The following COPS3 variants were observed in gnomAD, a reference collection of about 807,000 sequenced individuals.
COPS3 encodes the protein COP9 signalosome complex subunit 3.
In COPS3, 10 loss-of-function variants were observed where a neutral mutation model predicts 58.2. That is an observed-to-expected ratio of 0.17 (90% confidence interval 0.11 to 0.29). The LOEUF (loss-of-function observed/expected upper bound fraction) is 0.29. COPS3 is among the 10% of genes least tolerant of loss of function. The pLI is 1.00. For missense variants in COPS3, 333 were observed against 510.1 expected, an observed-to-expected ratio of 0.65 and a Z score of 3.34; for synonymous variants, 187 against 181.7, an observed-to-expected ratio of 1.03 and a Z score of -0.24.
chr17:17,278,009 C>T (rs1483857895), intron 1 of COPS3, among the ~76,000 whole-genome samples: 1 of 152,150 alleles, frequency 6.6e-6, no homozygotes, highest in Non-Finnish European at 1.5e-5. Context: ...TGGCACACAC[C>T]TGTAATCCCA....
chr17:17,251,426 C>T (rs1364744222), intron 9 of COPS3, among the ~76,000 whole-genome samples: 1 of 151,994 alleles, frequency 6.6e-6, no homozygotes, highest in African/African-American at 2.4e-5. Flanking sequence ...TCCCAAGTAG[C>T]TGGGATTACA....
At chr17:17,264,252 G>A (rs2048173937) in intron 6 of COPS3, among the ~76,000 whole-genome samples, 1 of 152,168 alleles carries the variant, frequency 6.6e-6, no homozygotes, top group African/African-American at 2.4e-5. Flanking sequence ...TAAGTAAAGT[G>A]GTTTATTAAT....
At chr17:17,247,357 G>T in intron 11 of COPS3, 123 bp downstream of exon 11, 1 of 1,000,566 alleles carries the variant, frequency 1.0e-6, no homozygotes, top group South Asian at 1.4e-5. Flanking sequence ...ATTTCTCCAT[G>T]ACCGTACTGG....
intron 2 of COPS3, 103 bp downstream of exon 2, chr17:17,275,932 A>T: frequency 8.9e-7 from 1 of 1,126,204 alleles, no homozygotes; most frequent in Non-Finnish European, 1.2e-6. Flanking sequence ...ACAGAGCGAA[A>T]CTCCATCTCA....
chr17:17,267,138 C>G (rs2048240697), intron 5 of COPS3, among the ~76,000 whole-genome samples: 1 of 151,146 alleles, frequency 6.6e-6, no homozygotes, highest in Non-Finnish European at 1.5e-5. Flanking sequence ...GAGATTGAGA[C>G]CATTCTGGCT....
rs978020438 is a variant in COPS3 at position 17,274,296 on chromosome 17, T to C, written c.185+1739A>G. On this transcript the variant is annotated intron_variant, in intron 2 of 11. Transcript: ENST00000268717. ...GACCTATTGTGAACCCCAGATGAAA[T>C]TGTTTCTGACATGTCTTGATAATTA... Among the ~76,000 whole-genome samples, 30 of 152,164 alleles carry C rather than the reference T, an allele frequency of 2.0e-4. 1 individual carries two copies. The highest frequency in any genetic ancestry group is 4.3e-4 in the African/African-American group (18 of 41,444).
At chr17:17,259,130 T>C (rs192297473) in intron 8 of COPS3, among the ~76,000 whole-genome samples, 8 of 152,306 alleles carry the variant, frequency 5.3e-5, no homozygotes, top group Admixed American at 3.9e-4. Context: ...TTTCCATTGC[T>C]GGGTAGCCTA....
At position 17,260,409 on chromosome 17, in the gene COPS3, T is replaced by C. The variant is rs1169119172; in HGVS notation, c.828A>G (p.Arg276=). ...TTTCACTGTGCTTATTCACCAGGTT[T>C]CGGAGTTCTGAGGGGTTGTTGGTTG... ...VYSTNNPSEL[R]NLVNKHSETF... is the part of the protein sequence containing the mutation. Residue 276 remains arginine, a synonymous_variant, in exon 8 of 12, where the codon CGA becomes CGG. Coordinates refer to ENST00000268717, the MANE Select transcript of COPS3 (RefSeq NM_003653.4). 1.2e-6 allele frequency: 2 copies of C among 1,614,086 alleles called. No homozygotes were observed. The highest frequency in any genetic ancestry group is 4.5e-5 in the East Asian group (2 of 44,900).
At chr17:17,267,562 C>A (rs574674551) in intron 5 of COPS3, among the ~76,000 whole-genome samples, 1 of 147,586 alleles carries the variant, frequency 6.8e-6, no homozygotes, top group Non-Finnish European at 1.5e-5. Context: ...TGCTTGAACC[C>A]GGGAGGCAGA....
intron 10 of COPS3, 61 bp from the exon 11 acceptor site, chr17:17,247,621 T>C: frequency 4.0e-6 from 6 of 1,499,752 alleles, no homozygotes; most frequent in South Asian, 3.4e-5. Flanking sequence ...GCATCCTTTC[T>C]AACTTACACT....
intron 9 of COPS3, among the ~76,000 whole-genome samples, chr17:17,250,254 C>CT (rs113179216): frequency 0.26 from 32,937 of 127,532 alleles, 4,885 homozygotes; most frequent in Middle Eastern, 0.33. Flanking sequence ...CTTACATCGC[C>CT]TTTTTTTTTT....
intron 9 of COPS3, among the ~76,000 whole-genome samples, chr17:17,251,693 A>G (rs1207182943): frequency 6.6e-6 from 1 of 152,174 alleles, no homozygotes; most frequent in African/African-American, 2.4e-5. Context: ...TGACTCTCAC[A>G]ATGCTGAGCC....
At position 17,254,959 on chromosome 17, in the gene COPS3, G is replaced by T. The variant is rs2047934352; in HGVS notation, c.937-14C>A. ...AGTTAAAAAGGTCTGAAAGTCAGAA[G>T]CAGAATTAGTCACAGGTAGGAACAA... is the stretch of plus-strand genomic sequence containing the variant. On this transcript the variant is annotated splice_polypyrimidine_tract_variant and intron_variant, in intron 8 of 11. Coordinates refer to ENST00000268717, the MANE Select transcript of COPS3 (RefSeq NM_003653.4). The T allele has an allele frequency of 1.3e-6, 2 of 1,584,330 alleles. No homozygotes were observed. Among genetic ancestry groups the T allele is most frequent in the African/African-American group, 1.3e-5 (1 of 74,174 alleles).
intron 4 of COPS3, among the ~76,000 whole-genome samples, chr17:17,268,957 G>A (rs188017020): frequency 7.9e-5 from 12 of 152,142 alleles, no homozygotes; most frequent in Middle Eastern, 3.4e-3. Flanking sequence ...TGGTTACTTA[G>A]TACTACAAAA....
chr17:17,255,031 G>T, intron 8 of COPS3, 86 bp from the exon 9 acceptor site: 1 of 876,102 alleles, frequency 1.1e-6, no homozygotes, highest in Non-Finnish European at 1.9e-6. Context: ...GCCAGGCGTG[G>T]TGGCTCATGT....
intron 1 of COPS3, chr17:17,280,694 G>C (rs1022250947): frequency 2.3e-6 from 3 of 1,277,700 alleles, no homozygotes; most frequent in Non-Finnish European, 3.1e-6. Flanking sequence ...ACCCAGAACG[G>C]ACTCGCCTCC....
intron 6 of COPS3, among the ~76,000 whole-genome samples, chr17:17,262,705 G>A (rs1016730402): frequency 4.0e-5 from 6 of 151,402 alleles, no homozygotes; most frequent in African/African-American, 1.2e-4. Context: ...ACTCCAGCCT[G>A]GGCGACAAAG....
intron 5 of COPS3, among the ~76,000 whole-genome samples, chr17:17,265,721 A>G (rs1230572950): frequency 2.0e-5 from 3 of 152,106 alleles, no homozygotes; most frequent in Non-Finnish European, 2.9e-5. Context: ...ATAAAAAGCT[A>G]AACAGCTATA....
chr17:17,247,429 C>A, intron 11 of COPS3, 51 bp downstream of exon 11: 2 of 1,525,892 alleles, frequency 1.3e-6, no homozygotes, highest in South Asian at 1.1e-5. Flanking sequence ...TGTGACAACA[C>A]CCCTCCTTCT....
Sources: gnomAD v4.1 joint callset for allele counts (sites outside exome capture counted in the v4.1 genomes callset) on GRCh38, gnomAD v4.1.1 for gene constraint, MANE v1.5 for transcripts, NCBI Gene and HGNC (gene_info 2026-07-23, HGNC 2026-07-21) for gene names.